The following ERICH1 variants were observed in gnomAD, a reference collection of about 807,000 sequenced individuals.
ERICH1 encodes the protein glutamate rich 1.
ERICH1 carries 56 observed loss-of-function variants against 39.6 expected under a neutral mutation model. The observed-to-expected ratio is 1.41, with a 90% CI of 1.14 to 1.77. The LOEUF is 1.77. Ranked by LOEUF, ERICH1 falls within the 40% of genes most tolerant of loss-of-function variation. The probability of loss-of-function intolerance (pLI) is 0.00; values close to 1 mark genes in which losing one functional copy is unlikely to be tolerated. For synonymous variants in ERICH1, 313 were observed against 223.6 expected, an observed-to-expected ratio of 1.40 and a Z score of -3.57; for missense variants, 826 against 575.4, an observed-to-expected ratio of 1.44 and a Z score of -4.45.
intron 3 of ERICH1, among the ~76,000 whole-genome samples, chr8:678,877 T>A (rs1264159778): frequency 6.6e-6 from 1 of 152,122 alleles, no homozygotes; most frequent in Non-Finnish European, 1.5e-5. Context: ...TAATGACCCC[T>A]GACGACTCCA....
At position 674,014 on chromosome 8, in the gene ERICH1, C is replaced by T. The variant is rs781772461; in HGVS notation, c.338G>A (p.Arg113Lys). ...QDPHDQPKRR[R>K]IRKHKSKKKF... ...TTTCTTTGATTTATGCTTCCTAATT[C>T]TTCTTCTCTTTGGCTGGTCATGAGG... The change falls in exon 4 of 6, where the codon AGA becomes AAA. Residue 113 changes from arginine (R) to lysine (K), a missense_variant. Arg to Lys is a conservative substitution (Grantham distance 26). Transcript: ENST00000262109. 3.2e-6 allele frequency: 5 copies of T among 1,570,762 alleles called. No homozygotes were observed. The highest frequency in any genetic ancestry group is 4.3e-6 in the Non-Finnish European group (5 of 1,170,804).
intron 3 of ERICH1, chr8:637,412 A>G (rs1265861190): frequency 6.6e-6 from 1 of 152,016 alleles, no homozygotes; most frequent in Non-Finnish European, 1.5e-5. Context: ...CCAGCATTCC[A>G]TCCTCACCAC....
intron 2 of ERICH1, among the ~76,000 whole-genome samples, chr8:700,156 C>T (rs1347068576): frequency 7.8e-6 from 1 of 129,014 alleles, no homozygotes; most frequent in Non-Finnish European, 1.7e-5. Context: ...CGCACAGACC[C>T]GCACACGCGC....
intron 1 of ERICH1, among the ~76,000 whole-genome samples, chr8:724,525 C>A (rs1171797109): frequency 6.6e-6 from 1 of 152,036 alleles, no homozygotes; most frequent in Admixed American, 6.6e-5. Flanking sequence ...ACTGCCCCGA[C>A]GGGGGCGGGA....
chr8:717,690 G>T (rs937440444), intron 1 of ERICH1, among the ~76,000 whole-genome samples: 6 of 152,210 alleles, frequency 3.9e-5, no homozygotes, highest in Non-Finnish European at 8.8e-5. Context: ...GGACAGGGGC[G>T]CTCAGAGCTA....
intron 1 of ERICH1, chr8:725,752 C>T (rs1033670053): frequency 6.5e-6 from 1 of 153,218 alleles, no homozygotes; most frequent in African/African-American, 2.4e-5. Context: ...CCCAACCTCA[C>T]CATGCACCAA....
In ERICH1 at chr8:673,737, A is replaced by C; in HGVS notation, c.615T>G (p.Ala205=). The change falls in exon 4 of 6, where the codon GCT becomes GCG. Residue 205 remains alanine (A), a synonymous_variant. Coordinates refer to ENST00000262109, the MANE Select transcript of ERICH1 (RefSeq NM_207332.3). ...TGGTGTCCACACCATCCTCCTCACA[A>C]GCCTCTCCCACGCCTTCCCCTTCAT... ...SSNEGEGVGE[A]CEEDGVDTSE... is the part of the protein sequence containing the mutation. 1.2e-6 allele frequency: 2 copies of C among 1,612,378 alleles called. No homozygotes were observed. The highest frequency in any genetic ancestry group is 1.7e-6 in the Non-Finnish European group (2 of 1,179,968).
At chr8:688,802 GTATC>G (rs1432880144) in intron 3 of ERICH1, among the ~76,000 whole-genome samples, 2 of 152,158 alleles carry the variant, frequency 1.3e-5, no homozygotes, top group African/African-American at 4.8e-5. Context: ...AGCAAAAAGG[GTATC>G]GATGGGAAAT....
intron 2 of ERICH1, among the ~76,000 whole-genome samples, chr8:700,000 GGCGCACAGACCCGCACAC>G (rs1223351980): frequency 0.016 from 1,067 of 66,174 alleles, 39 homozygotes; most frequent in African/African-American, 0.054. Flanking sequence ...GACCCTCACA[GGCGCACAGACCCGCACAC>G]GCGCACAGAC....
intron 3 of ERICH1, among the ~76,000 whole-genome samples, chr8:679,354 A>T (rs1805589738): frequency 1.1e-5 from 1 of 95,156 alleles, no homozygotes; most frequent in Non-Finnish European, 2.1e-5. Context: ...CCCACCCCTC[A>T]CAAAAGCTCT....
intron 3 of ERICH1, among the ~76,000 whole-genome samples, chr8:622,593 T>C (rs1797354042): frequency 6.6e-6 from 1 of 152,146 alleles, no homozygotes; most frequent in African/African-American, 2.4e-5. Context: ...GGTATTTTGA[T>C]ATCACAGTCC....
intron 3 of ERICH1, among the ~76,000 whole-genome samples, chr8:618,646 T>A (rs1797088168): frequency 1.3e-5 from 2 of 152,190 alleles, no homozygotes; most frequent in African/African-American, 4.8e-5. Flanking sequence ...GACTGAAACC[T>A]CTTTCCAGGC....
At chr8:626,759 G>A (rs1395457829) in intron 3 of ERICH1, 2 of 212,160 alleles carry the variant, frequency 9.4e-6, no homozygotes, top group African/African-American at 2.2e-5. Flanking sequence ...CTGGACTCCT[G>A]TCCTGTCTCT....
chr8:636,150 G>A (rs1271020473), intron 3 of ERICH1, among the ~76,000 whole-genome samples: 1 of 152,188 alleles, frequency 6.6e-6, no homozygotes, highest in Non-Finnish European at 1.5e-5. Flanking sequence ...CTCTAAGGCG[G>A]CTGAATCCCT....
At chr8:654,630 G>A (rs901684248) in intron 3 of ERICH1, among the ~76,000 whole-genome samples, 1 of 152,112 alleles carries the variant, frequency 6.6e-6, no homozygotes, top group Non-Finnish European at 1.5e-5. Context: ...CACACTGAAG[G>A]GAAAGATGGA....
chr8:659,903 C>G (rs1001749689), downstream of ERICH1, among the ~76,000 whole-genome samples: 2 of 152,018 alleles, frequency 1.3e-5, no homozygotes, highest in African/African-American at 2.4e-5. Context: ...GGGTGACCAT[C>G]GAGGCTTCCA....
chr8:634,515 C>T (rs886552740), intron 3 of ERICH1, among the ~76,000 whole-genome samples: 1 of 152,230 alleles, frequency 6.6e-6, no homozygotes, highest in Non-Finnish European at 1.5e-5. Context: ...GTCTGCACAC[C>T]CATGCTCAGG....
intron 1 of ERICH1, among the ~76,000 whole-genome samples, 187 bp downstream of exon 1, chr8:730,953 G>A: frequency 6.6e-6 from 1 of 152,162 alleles, no homozygotes; most frequent in East Asian, 1.9e-4. Context: ...CAACACGGGC[G>A]AGGGGTGGGC....
At chr8:667,303 C>T (rs1585136899) in intron 5 of ERICH1, 1 of 153,702 alleles carries the variant, frequency 6.5e-6, no homozygotes, top group African/African-American at 2.4e-5. Flanking sequence ...ACCTTCTCCA[C>T]CTTCTGCAAC....
Sources: allele counts gnomAD v4.1 joint callset (sites outside exome capture counted in the v4.1 genomes callset), GRCh38; gene constraint gnomAD v4.1.1; transcripts MANE v1.5; gene names NCBI Gene and HGNC (gene_info 2026-07-23, HGNC 2026-07-21).